DPP10: variants seen among roughly 807,000 people sequenced by gnomAD.
The protein encoded by DPP10 is dipeptidyl peptidase like 10.
A neutral mutation model predicts 120.9 loss-of-function variants in DPP10; 33 were observed. The observed-to-expected ratio is 0.27, with a 90% confidence interval of 0.21 to 0.37. The LOEUF (loss-of-function observed/expected upper bound fraction) is 0.37. Among genes scored for constraint, DPP10 ranks in the 10% least tolerant of loss-of-function variants. The pLI, the probability that DPP10 is intolerant of heterozygous loss-of-function variation, is 1.00. For synonymous variants in DPP10, 337 were observed against 326.1 expected (o/e 1.03, Z -0.36); for missense variants, 816 against 942.8 (o/e 0.87, Z 1.76).
intron 1 of DPP10, among the ~76,000 whole-genome samples, chr2:114,768,892 G>T (rs1306485529): frequency 1.3e-5 from 2 of 152,120 alleles, no homozygotes; most frequent in Non-Finnish European, 2.9e-5. Context: ...CAGATTAGTG[G>T]TAGGGCAGGG....
intron 3 of DPP10, among the ~76,000 whole-genome samples, chr2:115,384,683 G>GAAA: frequency 7.2e-6 from 1 of 138,680 alleles, no homozygotes; most frequent in African/African-American, 2.9e-5. Flanking sequence ...AAGAAGAAGA[G>GAAA]GAAGAAGAAG....
intron 1 of DPP10, among the ~76,000 whole-genome samples, chr2:115,293,461 ACCGTG>A (rs2105936712): frequency 6.6e-6 from 1 of 152,206 alleles, no homozygotes; most frequent in East Asian, 1.9e-4. Flanking sequence ...TATTCAGTTA[ACCGTG>A]ACGTAGGCAG....
chr2:114,860,830 G>A lies in DPP10; in HGVS notation c.60+417992G>A, dbSNP rs141467623. Among the ~76,000 whole-genome samples, 44 of 152,188 alleles carry A rather than the reference G, an allele frequency of 2.9e-4. 2 individuals carry two copies. Among genetic ancestry groups the A allele is most frequent in the African/African-American group, 9.6e-4 (40 of 41,522 alleles). On this transcript the variant is annotated intron_variant, in intron 1 of 25. Transcript: ENST00000410059. ...TCAAAATTCAAAGCTCATTTAAAGA[G>A]TATTTAATAAAAAGAATCCCTCTAA...
At chr2:115,683,241 G>T (rs1575518060) in intron 5 of DPP10, among the ~76,000 whole-genome samples, 1 of 151,852 alleles carries the variant, frequency 6.6e-6, no homozygotes, top group East Asian at 1.9e-4. Context: ...AAGCCAATTT[G>T]AAAAGTCTGC....
At chr2:115,098,108 C>A (rs2048490665) in intron 1 of DPP10, among the ~76,000 whole-genome samples, 1 of 152,084 alleles carries the variant, frequency 6.6e-6, no homozygotes, top group Non-Finnish European at 1.5e-5. Flanking sequence ...CATTCATGTC[C>A]CCATATCAGT....
chr2:114,740,422 G>A (rs1316478765), intron 1 of DPP10, among the ~76,000 whole-genome samples: 1 of 148,420 alleles, frequency 6.7e-6, no homozygotes, highest in Non-Finnish European at 1.5e-5. Flanking sequence ...ACGAGTTAAT[G>A]GGTGCAGCAC....
intron 1 of DPP10, among the ~76,000 whole-genome samples, chr2:114,970,846 A>G (rs552440765): frequency 6.6e-6 from 1 of 152,256 alleles, no homozygotes; most frequent in East Asian, 1.9e-4. Flanking sequence ...GTAATGGATG[A>G]CTGAGTTAAA....
intron 1 of DPP10, among the ~76,000 whole-genome samples, chr2:114,878,538 A>T (rs1241387432): frequency 6.6e-6 from 1 of 152,072 alleles, no homozygotes; most frequent in African/African-American, 2.4e-5. Context: ...CTTCAGTCTA[A>T]CAGTTGCACG....
chr2:115,588,318 C>T (rs2082416885), intron 5 of DPP10, among the ~76,000 whole-genome samples: 1 of 152,124 alleles, frequency 6.6e-6, no homozygotes. Context: ...AGCATATTTT[C>T]ATTTATTCAT....
At chr2:114,749,203 T>C (rs929552683) in intron 1 of DPP10, among the ~76,000 whole-genome samples, 2 of 149,812 alleles carry the variant, frequency 1.3e-5, no homozygotes, top group East Asian at 2.0e-4. Flanking sequence ...AAATGTCTTC[T>C]TTTGAGAAGT....
chr2:114,680,602 C>T (rs1478367370), intron 1 of DPP10, among the ~76,000 whole-genome samples: 8 of 151,952 alleles, frequency 5.3e-5, no homozygotes, highest in Admixed American at 5.3e-4. Flanking sequence ...TTAGTACAAC[C>T]TGATGTTTAG....
intron 1 of DPP10, among the ~76,000 whole-genome samples, chr2:114,690,655 T>C (rs1280134826): frequency 6.6e-6 from 1 of 152,096 alleles, no homozygotes; most frequent in Non-Finnish European, 1.5e-5. Flanking sequence ...AAGCATTAAA[T>C]CTATAAATTA....
intron 1 of DPP10, among the ~76,000 whole-genome samples, chr2:114,681,597 G>A (rs1473294750): frequency 6.6e-6 from 1 of 151,900 alleles, no homozygotes; most frequent in Non-Finnish European, 1.5e-5. Context: ...TGTAACAAAG[G>A]GAGGCTCTAT....
At chr2:115,536,601 G>A (rs1385708794) in intron 5 of DPP10, among the ~76,000 whole-genome samples, 1 of 152,092 alleles carries the variant, frequency 6.6e-6, no homozygotes, top group Admixed American at 6.6e-5. Flanking sequence ...CAAAGTAAAT[G>A]TATGCTTCCC....
At chr2:115,359,500 A>T (rs747166435) in intron 3 of DPP10, among the ~76,000 whole-genome samples, 1 of 151,944 alleles carries the variant, frequency 6.6e-6, no homozygotes, top group African/African-American at 2.4e-5. Context: ...TGTTATTTTG[A>T]TGGGGTTCTT....
At chr2:115,644,447 A>G (rs116463253) in intron 5 of DPP10, among the ~76,000 whole-genome samples, 3,013 of 152,122 alleles carry the variant, frequency 0.02, 88 homozygotes, top group African/African-American at 0.064. Context: ...TTTGCTGAGA[A>G]TGATGGTAAT....
intron 5 of DPP10, among the ~76,000 whole-genome samples, chr2:115,621,940 A>T (rs2084979240): frequency 6.6e-6 from 1 of 152,090 alleles, no homozygotes; most frequent in Non-Finnish European, 1.5e-5. Flanking sequence ...AGCCTCCTAA[A>T]GTGCTGGGAT....
chr2:115,305,341 C>G (rs1455857926), intron 1 of DPP10, among the ~76,000 whole-genome samples: 1 of 152,086 alleles, frequency 6.6e-6, no homozygotes, highest in Non-Finnish European at 1.5e-5. Flanking sequence ...AAAACAAAGT[C>G]AATCAGGATC....
intron 3 of DPP10, among the ~76,000 whole-genome samples, chr2:115,402,748 T>C (rs913007719): frequency 6.7e-6 from 1 of 149,400 alleles, no homozygotes; most frequent in South Asian, 2.1e-4. Flanking sequence ...TCTCAAACCA[T>C]TCAAAAAAAC....
Sources: allele counts gnomAD v4.1 joint callset (sites outside exome capture counted in the v4.1 genomes callset), GRCh38; gene constraint gnomAD v4.1.1; transcripts MANE v1.5; gene names NCBI Gene and HGNC (gene_info 2026-07-23, HGNC 2026-07-21).